Variants in SPINK6 observed in about 807,000 individuals in gnomAD.
SPINK6 encodes serine protease inhibitor Kazal-type 6.
A neutral mutation model predicts 11.7 loss-of-function variants in SPINK6; 13 were observed. That is an observed-to-expected ratio of 1.11 (90% CI 0.72 to 1.76). The LOEUF is 1.76. Ranked by LOEUF, SPINK6 falls within the 40% of genes most tolerant of loss-of-function variation. The pLI, the probability that SPINK6 is intolerant of heterozygous loss-of-function variation, is 0.00. For synonymous variants in SPINK6, 21 were observed against 31.9 expected (o/e 0.66, Z 1.15); for missense variants, 98 against 93.7 (o/e 1.05, Z -0.19).
intron 2 of SPINK6, among the ~76,000 whole-genome samples, chr5:148,212,228 A>G (rs1490101085): frequency 6.6e-6 from 1 of 151,956 alleles, no homozygotes; most frequent in Non-Finnish European, 1.5e-5. Context: ...GTCATAACAT[A>G]TGTTCTCAAC....
chr5:148,213,114 G>C (rs899425759), intron 2 of SPINK6, among the ~76,000 whole-genome samples: 1 of 151,610 alleles, frequency 6.6e-6, no homozygotes, highest in African/African-American at 2.4e-5. Context: ...GTTTTCAAGA[G>C]CTTATGGATG....
rs1220223803 is a variant in SPINK6, at chr5:148,213,846, T to A, written c.82-64T>A. The A allele has an allele frequency of 1.7e-5, 14 of 828,000 alleles. 1 individual carries two copies. In the South Asian group the frequency reaches 2.0e-4, roughly 12 times the overall value. The allele number at this position is 828,000 out of a possible 1,614,324, so 51.3% of individuals were successfully genotyped here. A position where few individuals can be genotyped will look rare whatever the true frequency, so the allele number is the denominator to read the frequency against. ...TTTTTAAAGTTTGCTGTCTAAAGCT[T>A]CTGTTCTGAAGGATGGTCTCTTAGA... On this transcript the variant is annotated intron_variant, in intron 2 of 3. Coordinates refer to ENST00000325630, the MANE Select transcript of SPINK6 (RefSeq NM_205841.4).
intron 2 of SPINK6, among the ~76,000 whole-genome samples, chr5:148,208,649 A>T (rs1272468338): frequency 4.6e-5 from 7 of 152,232 alleles, no homozygotes; most frequent in Admixed American, 3.3e-4. Context: ...TTCCCTGTAA[A>T]TGTAAATGAC....
At chr5:148,207,283 G>A (rs1274517955) in intron 2 of SPINK6, among the ~76,000 whole-genome samples, 4 of 152,118 alleles carry the variant, frequency 2.6e-5, no homozygotes, top group African/African-American at 7.2e-5. Flanking sequence ...TAAGAAATAT[G>A]GAATTTAATC....
At chr5:148,206,206 T>A in intron 2 of SPINK6, 148 bp downstream of exon 2, 1 of 733,954 alleles carries the variant, frequency 1.4e-6, no homozygotes, top group Non-Finnish European at 2.3e-6. Context: ...TATTATTCTT[T>A]AACTAAACTC....
intron 1 of SPINK6, 96 bp downstream of exon 1, chr5:148,203,250 TA>T: frequency 1.2e-6 from 1 of 858,708 alleles, no homozygotes. Flanking sequence ...GATTTTGATG[TA>T]AAAGACCAAT....
intron 1 of SPINK6, among the ~76,000 whole-genome samples, chr5:148,204,352 T>G (rs116094671): frequency 0.012 from 1,852 of 151,920 alleles, 48 homozygotes; most frequent in African/African-American, 0.043. Context: ...TCTGACTATG[T>G]AAAGTTTAGC....
Position 148,213,956 on chromosome 5 carries a change from A to AATCT in SPINK6, c.130_133dup (p.Asn45IlefsTer2), listed in dbSNP as rs778642592. The AATCT allele has an allele frequency of 1.2e-6, 2 of 1,613,886 alleles. No homozygotes were observed. Among genetic ancestry groups the AATCT allele is most frequent in the Non-Finnish European group, 1.7e-6 (2 of 1,179,766 alleles). ...GACCCCAAGGTCTACTGCACTCGGGAATCTAACCCACACTGTGGCTCTGAT... is the reference window on the plus strand; with the variant it reads ...GACCCCAAGGTCTACTGCACTCGGGAATCTATCTAACCCACACTGTGGCTCTGAT... On this transcript the variant is annotated frameshift_variant, in exon 3 of 4. Transcript: ENST00000325630. LOFTEE classifies it high-confidence loss of function.
In SPINK6 at chr5:148,210,081, T is replaced by C. The variant is rs118037507; in HGVS notation, c.82-3829T>C. On this transcript the variant is annotated intron_variant, in intron 2 of 3. Transcript: ENST00000325630. ...ATGTATATGTATGTATGCATATATG[T>C]ATGCATGTTTACATGTATGTATGCA... Among the ~76,000 whole-genome samples the C allele has an allele frequency of 8.8e-3, 1,332 of 151,198 alleles. 153 individuals carry two copies. The East Asian group carries it at 0.19, about 22-fold the overall frequency.
At chr5:148,208,543 A>G (rs1755529245) in intron 2 of SPINK6, among the ~76,000 whole-genome samples, 1 of 152,232 alleles carries the variant, frequency 6.6e-6, no homozygotes, top group South Asian at 2.1e-4. Flanking sequence ...AGTCTGAATT[A>G]TGGACTTCAA....
At chr5:148,213,452 G>A (rs1755641441) in intron 2 of SPINK6, among the ~76,000 whole-genome samples, 1 of 151,978 alleles carries the variant, frequency 6.6e-6, no homozygotes, top group Admixed American at 6.6e-5. Context: ...GCCCGCCTCG[G>A]CCTCCCAAAC....
intron 3 of SPINK6, among the ~76,000 whole-genome samples, chr5:148,214,308 CTTA>C (rs1158430631): frequency 9.2e-5 from 14 of 152,032 alleles, no homozygotes; most frequent in South Asian, 4.1e-4. Flanking sequence ...TACATTATAA[CTTA>C]TTATATTTAA....
chr5:148,212,530 T>TTTATATA (rs1561733582), intron 2 of SPINK6, among the ~76,000 whole-genome samples: 2 of 116,508 alleles, frequency 1.7e-5, no homozygotes, highest in African/African-American at 7.1e-5. Flanking sequence ...AAAGTATATA[T>TTTATATA]TTTATATAAG....
At chr5:148,207,219 A>T (rs1034163522) in intron 2 of SPINK6, among the ~76,000 whole-genome samples, 1 of 152,194 alleles carries the variant, frequency 6.6e-6, no homozygotes, top group Non-Finnish European at 1.5e-5. Context: ...CCCAGCCAAC[A>T]CATTTCGTAT....
chr5:148,206,682 A>AT lies in SPINK6; in HGVS notation c.81+633dup, dbSNP rs534397473. Among the ~76,000 whole-genome samples the AT allele has an allele frequency of 1.1e-4, 17 of 151,792 alleles. No homozygotes were observed. In the South Asian group the frequency reaches 1.5e-3, roughly 13 times the overall value. On this transcript the variant is annotated intron_variant, in intron 2 of 3. Transcript: ENST00000325630. ...GAGCACAAGTTATCTTCATCATTGG[A>AT]TTTTTTTTTCCTCCAAATTAGTTCA...
intron 2 of SPINK6, among the ~76,000 whole-genome samples, chr5:148,209,969 T>TACGTATATATGTATACATACAC (rs1561732069): frequency 7.9e-6 from 1 of 126,610 alleles, no homozygotes; most frequent in Non-Finnish European, 1.7e-5. Flanking sequence ...TATACATACA[T>TACGTATATATGTATACATACAC]ACGTACGTAT....
chr5:148,210,009 T>TACACACGTACGTATGTAA (rs1468415490), intron 2 of SPINK6, among the ~76,000 whole-genome samples: 1 of 144,958 alleles, frequency 6.9e-6, no homozygotes, highest in Non-Finnish European at 1.5e-5. Flanking sequence ...TATGTATACA[T>TACACACGTACGTATGTAA]GTATGTACGC....
At chr5:148,214,093 T>G in intron 3 of SPINK6, 68 bp downstream of exon 3, 1 of 950,266 alleles carries the variant, frequency 1.1e-6, no homozygotes, top group Admixed American at 2.3e-5. Context: ...TAAGACACTT[T>G]TTCGAGGTAT....
intron 2 of SPINK6, among the ~76,000 whole-genome samples, chr5:148,212,108 A>G (rs1008051942): frequency 2.0e-5 from 3 of 152,122 alleles, no homozygotes; most frequent in Admixed American, 6.6e-5. Flanking sequence ...GTTGAAAACA[A>G]TCTTAAAACT....
Sources: allele counts gnomAD v4.1 joint callset (sites outside exome capture counted in the v4.1 genomes callset), GRCh38; gene constraint gnomAD v4.1.1; transcripts MANE v1.5; gene names NCBI Gene and HGNC (gene_info 2026-07-23, HGNC 2026-07-21).